SUGCT: variants seen among roughly 807,000 people sequenced by gnomAD.
SUGCT encodes the protein succinyl-CoA:glutarate CoA-transferase.
Under a neutral mutation model 55.0 loss-of-function variants are expected in SUGCT, and 41 were observed. The observed-to-expected ratio is 0.74, with a 90% CI of 0.58 to 0.97. The LOEUF (loss-of-function observed/expected upper bound fraction) is 0.97, where lower values mean the gene tolerates loss of function less well. SUGCT is among the 50% of genes least tolerant of loss of function. SUGCT has a pLI of 0.00. For missense variants in SUGCT, 568 were observed against 547.8 expected, an observed-to-expected ratio of 1.04 and a Z score of -0.37; for synonymous variants, 187 against 200.4, an observed-to-expected ratio of 0.93 and a Z score of 0.56.
intron 8 of SUGCT, among the ~76,000 whole-genome samples, chr7:40,279,822 G>A (rs945825672): frequency 6.6e-6 from 1 of 151,932 alleles, no homozygotes; most frequent in Non-Finnish European, 1.5e-5. Flanking sequence ...TTTCAAAAAA[G>A]CGTAACAGGA....
At chr7:40,298,276 A>G (rs1794302507) in intron 8 of SUGCT, among the ~76,000 whole-genome samples, 1 of 152,026 alleles carries the variant, frequency 6.6e-6, no homozygotes, top group Non-Finnish European at 1.5e-5. Flanking sequence ...GAAGGAAGAC[A>G]GATTTTTTAA....
the SUGCT span, among the ~76,000 whole-genome samples, chr7:40,911,146 T>C: frequency 6.6e-6 from 1 of 152,172 alleles, no homozygotes; most frequent in Admixed American, 6.5e-5. Flanking sequence ...CATGAGTGAC[T>C]TTCCTGATAC....
At chr7:40,945,835 C>A in the SUGCT span, among the ~76,000 whole-genome samples, 3 of 152,200 alleles carry the variant, frequency 2.0e-5, no homozygotes, top group East Asian at 5.8e-4. Flanking sequence ...GTGGGGCTGC[C>A]ACACTACACT....
intron 12 of SUGCT, among the ~76,000 whole-genome samples, chr7:40,506,240 ATC>A (rs1792585484): frequency 6.6e-6 from 1 of 152,106 alleles, no homozygotes; most frequent in Non-Finnish European, 1.5e-5. Flanking sequence ...TTAGTTTGCC[ATC>A]TTTTTTGAAA....
At chr7:40,215,690 G>A (rs187377989) in intron 6 of SUGCT, among the ~76,000 whole-genome samples, 2,646 of 152,000 alleles carry the variant, frequency 0.017, 71 homozygotes, top group African/African-American at 0.062. Flanking sequence ...GTGAAACCCC[G>A]TCGCTACTAA....
chr7:40,281,690 A>G (rs561426209), intron 8 of SUGCT, among the ~76,000 whole-genome samples: 2 of 152,274 alleles, frequency 1.3e-5, no homozygotes, highest in Non-Finnish European at 2.9e-5. Flanking sequence ...ATTTCAAAAT[A>G]TAATACAAAA....
chr7:40,775,010 A>G (rs1789381271), intron 13 of SUGCT, among the ~76,000 whole-genome samples: 1 of 152,224 alleles, frequency 6.6e-6, no homozygotes, highest in South Asian at 2.1e-4. Context: ...CACAGTAGCA[A>G]TCTATACTTA....
At chr7:40,697,624 T>G (rs1341500034) in intron 12 of SUGCT, among the ~76,000 whole-genome samples, 1 of 152,136 alleles carries the variant, frequency 6.6e-6, no homozygotes, top group African/African-American at 2.4e-5. Context: ...GGTGACAGAA[T>G]GAGACTCCAT....
chr7:40,643,021 T>C (rs1243279797), intron 12 of SUGCT, among the ~76,000 whole-genome samples: 1 of 152,160 alleles, frequency 6.6e-6, no homozygotes, highest in Non-Finnish European at 1.5e-5. Flanking sequence ...CTCCATTAGC[T>C]CATCACTTTT....
chr7:41,025,323 G>A, the SUGCT span, among the ~76,000 whole-genome samples: 1 of 151,934 alleles, frequency 6.6e-6, no homozygotes, highest in Non-Finnish European at 1.5e-5. Context: ...ATTATTTTCA[G>A]TATGTCTGAA....
At chr7:40,229,529 A>AT (rs1788596470) in intron 6 of SUGCT, among the ~76,000 whole-genome samples, 1 of 148,510 alleles carries the variant, frequency 6.7e-6, no homozygotes, top group Admixed American at 6.7e-5. Flanking sequence ...AAAAAAAAAA[A>AT]AGTCCTGGTG....
At chr7:40,341,837 C>T (rs1797067343) in intron 9 of SUGCT, among the ~76,000 whole-genome samples, 1 of 152,096 alleles carries the variant, frequency 6.6e-6, no homozygotes, top group African/African-American at 2.4e-5. Context: ...GTTCTGAAAA[C>T]AAAAGTACAG....
intron 1 of SUGCT, chr7:40,152,365 G>A (rs1444654945): frequency 6.6e-6 from 1 of 152,408 alleles, no homozygotes; most frequent in Admixed American, 6.5e-5. Context: ...AGTTGGTTAG[G>A]TCAGATCCCT....
the SUGCT span, among the ~76,000 whole-genome samples, chr7:40,958,457 A>AT: frequency 6.6e-6 from 1 of 151,376 alleles, no homozygotes; most frequent in Non-Finnish European, 1.5e-5. Flanking sequence ...CGATTTGGCT[A>AT]TTGATACTTG....
rs1399574146 is a variant in SUGCT at position 40,316,961 on chromosome 7, T to TTTTTTG, written c.816+111_816+112insGTTTTT. On this transcript the variant is annotated intron_variant, in intron 9 of 13. Coordinates refer to ENST00000335693, the MANE Select transcript of SUGCT (RefSeq NM_001193313.2). ...ATACACAAATCCTTCAGCTGTTTTT[T>TTTTTTG]TTTTTTTTTTTTGTAATGTATCTGT... The TTTTTTG allele has an allele frequency of 1.8e-4, 96 of 526,918 alleles. 1 individual carries two copies. The highest frequency in any genetic ancestry group is 2.5e-4 in the Non-Finnish European group (75 of 304,742). 32.6% of individuals were successfully genotyped at this position (526,918 alleles called of 1,614,324 possible).
chr7:40,779,100 C>T lies in SUGCT; in HGVS notation c.1153+29603C>T, dbSNP rs145497311. On this transcript the variant is annotated intron_variant, in intron 13 of 13. Transcript: ENST00000335693. Reference sequence around the variant, plus strand: ...CACTGGGTGGTGCTGGTTCTGTCTCCGTTGATGTCTTTGCCCCAGAAAAAT... The same window carrying T: ...CACTGGGTGGTGCTGGTTCTGTCTCTGTTGATGTCTTTGCCCCAGAAAAAT... Among the ~76,000 whole-genome samples, 1,476 of 148,064 alleles carry T rather than the reference C, an allele frequency of 1.0e-2. 25 individuals carry two copies. Among genetic ancestry groups the T allele is most frequent in the Admixed American group, 0.046 (683 of 14,806 alleles).
chr7:40,139,496 C>G (rs1787875185), intron 1 of SUGCT, among the ~76,000 whole-genome samples: 1 of 152,214 alleles, frequency 6.6e-6, no homozygotes, highest in South Asian at 2.1e-4. Context: ...CTGTGCCCGG[C>G]TGATGGTGAA....
chr7:40,444,562 C>T (rs1452461294), intron 9 of SUGCT, among the ~76,000 whole-genome samples: 2 of 152,016 alleles, frequency 1.3e-5, no homozygotes, highest in Non-Finnish European at 2.9e-5. Context: ...GTAATTTTTG[C>T]ACATTGATTT....
chr7:40,884,293 T>TGAAGG, the SUGCT span, among the ~76,000 whole-genome samples: 4 of 152,334 alleles, frequency 2.6e-5, no homozygotes, highest in East Asian at 7.7e-4. Flanking sequence ...CCTGTCCAGA[T>TGAAGG]TTGTATCAAC....
Sources: gnomAD v4.1 joint callset for allele counts (sites outside exome capture counted in the v4.1 genomes callset) on GRCh38, gnomAD v4.1.1 for gene constraint, MANE v1.5 for transcripts, NCBI Gene and HGNC (gene_info 2026-07-23, HGNC 2026-07-21) for gene names.